ARHGAP5: variants seen among roughly 807,000 people sequenced by gnomAD.
ARHGAP5 encodes the protein Rho GTPase activating protein 5.
Under a neutral mutation model 116.6 loss-of-function variants are expected in ARHGAP5, and 23 were observed. The ratio of observed to expected loss-of-function variants is 0.20; its 90% confidence interval spans 0.14 to 0.28. The LOEUF (loss-of-function observed/expected upper bound fraction) is 0.28, where lower values mean the gene tolerates loss of function less well. Among genes scored for constraint, ARHGAP5 ranks in the 10% least tolerant of loss-of-function variants. The pLI is 1.00. For synonymous variants in ARHGAP5, 574 were observed against 602.0 expected (o/e 0.95, Z 0.68); for missense variants, 1,405 against 1,774.8 (o/e 0.79, Z 3.74).
intron 1 of ARHGAP5, among the ~76,000 whole-genome samples, chr14:32,080,327 ATATT>A (rs1357236340): frequency 2.0e-5 from 3 of 149,878 alleles, no homozygotes; most frequent in Non-Finnish European, 3.0e-5. Context: ...TATAAGAAAA[ATATT>A]TATTATTTAA....
chr14:32,146,314 A>G lies in ARHGAP5; in HGVS notation c.3917A>G (p.Asp1306Gly), dbSNP rs1278209345. 6.2e-7 allele frequency: 1 copy of G among 1,613,104 alleles called. No individual in the cohort carries two copies. The highest frequency in any genetic ancestry group is 8.5e-7 in the Non-Finnish European group (1 of 1,179,164). The stretch of plus-strand genomic sequence containing the variant: ...GTCAGCGGGAATAAAACTGACCAAG[A>G]CAATATTCAAAAGCAGTTTGATCAA... ...YRVSGNKTDQ[D>G]NIQKQFDQDH... Residue 1306 changes from aspartate (D) to glycine (G), a missense_variant, in exon 4 of 7, where the codon GAC becomes GGC. Physicochemically the swap from Asp to Gly is moderately conservative, Grantham distance 94. This residue lies in a region of ARHGAP5 where 176 missense variants were observed against 221.2 expected (regional missense o/e 0.80). Coordinates refer to ENST00000345122, the MANE Select transcript of ARHGAP5 (RefSeq NM_001030055.2).
At chr14:32,152,268 C>T (rs1433483625) in intron 5 of ARHGAP5, among the ~76,000 whole-genome samples, 155 bp from the exon 6 acceptor site, 4 of 152,290 alleles carry the variant, frequency 2.6e-5, no homozygotes, top group South Asian at 4.1e-4. Context: ...AGGCTGGGGA[C>T]TGTTGCTTTA....
At chr14:32,107,113 A>T (rs932035579) in intron 2 of ARHGAP5, among the ~76,000 whole-genome samples, 2 of 152,234 alleles carry the variant, frequency 1.3e-5, no homozygotes, top group African/African-American at 4.8e-5. Context: ...ATGTTTCTCA[A>T]GGGCCTTAAA....
chr14:32,091,235 A>G lies in ARHGAP5; in HGVS notation c.566A>G (p.Lys189Arg). Residue 189 changes from lysine to arginine, a missense_variant, in exon 2 of 7, where the codon AAA becomes AGA. Around this residue, in one of 6 missense-constraint regions of ARHGAP5, gnomAD observed 190 missense variants for 314.9 expected, o/e 0.60. Coordinates refer to ENST00000345122, the MANE Select transcript of ARHGAP5 (RefSeq NM_001030055.2). ...FVNNLFVQLSKSKKPVIIAAT... is the reference protein window; with the variant it reads ...FVNNLFVQLSRSKKPVIIAAT... ...AATAACCTTTTTGTCCAGTTATCAAAATCAAAAAAACCTGTAATAATAGCA... is the reference window on the plus strand; with the variant it reads ...AATAACCTTTTTGTCCAGTTATCAAGATCAAAAAAACCTGTAATAATAGCA... The G allele has an allele frequency of 6.2e-7, 1 of 1,612,212 alleles. No homozygotes were observed. Among genetic ancestry groups the G allele is most frequent in the Non-Finnish European group, 8.5e-7 (1 of 1,179,190 alleles).
intron 2 of ARHGAP5, among the ~76,000 whole-genome samples, chr14:32,102,501 G>C (rs1878836703): frequency 6.6e-6 from 1 of 152,222 alleles, no homozygotes; most frequent in African/African-American, 2.4e-5. Flanking sequence ...AGTGAACTGT[G>C]ACTGCACCAC....
chr14:32,121,746 A>G (rs1407269133), intron 3 of ARHGAP5, among the ~76,000 whole-genome samples: 1 of 152,146 alleles, frequency 6.6e-6, no homozygotes, highest in Non-Finnish European at 1.5e-5. Context: ...TTAAGCAATC[A>G]CTTTCTATTC....
At chr14:32,128,534 C>T (rs1006856006) in intron 3 of ARHGAP5, among the ~76,000 whole-genome samples, 12 of 152,238 alleles carry the variant, frequency 7.9e-5, no homozygotes, top group African/African-American at 1.4e-4. Context: ...TGTCGGCTAT[C>T]GGTGCTGAGG....
rs969880152 is a variant in ARHGAP5, at chr14:32,126,227, TTTTG to T, written c.3865+8952_3865+8955del. Among the ~76,000 whole-genome samples, 23 of 152,050 alleles carry T rather than the reference TTTTG, an allele frequency of 1.5e-4. 1 individual carries two copies. Among genetic ancestry groups the T allele is most frequent in the South Asian group, 1.5e-3 (7 of 4,824 alleles). On this transcript the variant is annotated intron_variant, in intron 3 of 6. Coordinates refer to ENST00000345122, the MANE Select transcript of ARHGAP5 (RefSeq NM_001030055.2). ...GAGTATGATATCAGCTGTGGGTTTT[TTTTG>T]TTTGTTTGTTTTTTTGAGATGGAGT... is the stretch of plus-strand genomic sequence containing the variant.
chr14:32,082,549 A>C (rs1156746556), intron 1 of ARHGAP5, among the ~76,000 whole-genome samples: 1 of 151,904 alleles, frequency 6.6e-6, no homozygotes, highest in African/African-American at 2.4e-5. Flanking sequence ...TGATTAATTA[A>C]TTAATTTTTT....
At chr14:32,133,925 G>A (rs1288366904) in intron 3 of ARHGAP5, among the ~76,000 whole-genome samples, 1 of 152,082 alleles carries the variant, frequency 6.6e-6, no homozygotes, top group Non-Finnish European at 1.5e-5. Context: ...GCATCCCAGG[G>A]ATGTCCAATC....
At chr14:32,078,882 A>G (rs1359852854) in intron 1 of ARHGAP5, among the ~76,000 whole-genome samples, 1 of 152,226 alleles carries the variant, frequency 6.6e-6, no homozygotes, top group Non-Finnish European at 1.5e-5. Flanking sequence ...CGGTATTCTT[A>G]TTCAGTGTTT....
At position 32,154,951 on chromosome 14, in the gene ARHGAP5, A is replaced by G. The variant is rs756665924; in HGVS notation, c.*3A>G. On this transcript the variant is annotated 3_prime_UTR_variant, in exon 7 of 7. Coordinates refer to ENST00000345122, the MANE Select transcript of ARHGAP5 (RefSeq NM_001030055.2). ...CGGATCCTCTTGGTATTATATGAGTAGGAAGTGATTGCAAACAGGCTGGAT... is the reference window on the plus strand; with the variant it reads ...CGGATCCTCTTGGTATTATATGAGTGGGAAGTGATTGCAAACAGGCTGGAT... 1 of 1,605,832 alleles carries G rather than the reference A, an allele frequency of 6.2e-7. No individual in the cohort carries two copies. Among genetic ancestry groups the G allele is most frequent in the South Asian group, 1.1e-5 (1 of 90,824 alleles).
intron 3 of ARHGAP5, among the ~76,000 whole-genome samples, chr14:32,123,137 G>A (rs535117805): frequency 6.6e-6 from 1 of 151,782 alleles, no homozygotes; most frequent in South Asian, 2.1e-4. Context: ...CTAGTTTTCA[G>A]CAATTTTATT....
chr14:32,082,969 T>C (rs1035711765), intron 1 of ARHGAP5, among the ~76,000 whole-genome samples: 1 of 152,278 alleles, frequency 6.6e-6, no homozygotes, highest in Non-Finnish European at 1.5e-5. Context: ...CTATTGCTTA[T>C]GACAAAGTCT....
chr14:32,078,456 GTTTGTGCTTACGTT>G, intron 1 of ARHGAP5, among the ~76,000 whole-genome samples: 1 of 152,314 alleles, frequency 6.6e-6, no homozygotes, highest in South Asian at 2.1e-4. Flanking sequence ...ATATAGATGG[GTTTGTGCTTACGTT>G]TTAAGTTTAA....
chr14:32,125,198 C>T (rs540515769), intron 3 of ARHGAP5, among the ~76,000 whole-genome samples: 34 of 152,294 alleles, frequency 2.2e-4, no homozygotes, highest in African/African-American at 7.9e-4. Flanking sequence ...CTGGCAGTAA[C>T]CAATCTGCTT....
In ARHGAP5 at chr14:32,155,133, A is replaced by G. The variant is rs1881836802; in HGVS notation, c.*185A>G. 3.4e-6 allele frequency: 2 copies of G among 594,472 alleles called. No individual in the cohort carries two copies. Among genetic ancestry groups the G allele is most frequent in the South Asian group, 2.5e-5 (1 of 39,386 alleles). The allele number at this position is 594,472 out of a possible 1,614,324, so 36.8% of individuals were successfully genotyped here. On this transcript the variant is annotated 3_prime_UTR_variant, in exon 7 of 7. Transcript: ENST00000345122. ...ACAAATCTAAGACCATGTGATAAGC[A>G]TGACTGGAGAGGTTTAATTTTTATA...
In ARHGAP5 at chr14:32,158,599, A is replaced by G. The variant is rs1881995840; in HGVS notation, c.*3651A>G. The G allele has an allele frequency of 6.6e-6, 1 of 151,910 alleles. No individual in the cohort carries two copies. Among genetic ancestry groups the G allele is most frequent in the Non-Finnish European group, 1.5e-5 (1 of 67,856 alleles). The allele number at this position is 151,910 out of a possible 1,614,324, so 9.4% of individuals were successfully genotyped here. A position where few individuals can be genotyped will look rare whatever the true frequency, so the allele number is the denominator to read the frequency against. On this transcript the variant is annotated 3_prime_UTR_variant, in exon 7 of 7. Coordinates refer to ENST00000345122, the MANE Select transcript of ARHGAP5 (RefSeq NM_001030055.2). ...CAACATGAATCTTTGTGTTATCTTG[A>G]ATTTAGTAGTTTCAAGGTACTTAAA...
Position 32,156,169 on chromosome 14 carries a change from G to A in ARHGAP5, c.*1221G>A, listed in dbSNP as rs902883923. The A allele has an allele frequency of 6.6e-6, 1 of 152,236 alleles. No individual in the cohort carries two copies. Among genetic ancestry groups the A allele is most frequent in the Non-Finnish European group, 1.5e-5 (1 of 67,870 alleles). The allele number at this position is 152,236 out of a possible 1,614,324, so 9.4% of individuals were successfully genotyped here. A position where few individuals can be genotyped will look rare whatever the true frequency, so the allele number is the denominator to read the frequency against. On this transcript the variant is annotated 3_prime_UTR_variant, in exon 7 of 7. Transcript: ENST00000345122. ...TTACTATAAGTGACTGCTGCTTTTG[G>A]GGGTAAACATTTTGTTAGTGAAGAT...
Sources: allele counts gnomAD v4.1 joint callset (sites outside exome capture counted in the v4.1 genomes callset), GRCh38; gene constraint gnomAD v4.1.1; regional missense constraint gnomAD v4.1.1; transcripts MANE v1.5; gene names NCBI Gene and HGNC (gene_info 2026-07-23, HGNC 2026-07-21).